Variants in TAFA5 observed in about 807,000 individuals in gnomAD.
TAFA5 encodes the protein chemokine-like protein TAFA-5.
Under a neutral mutation model 15.3 loss-of-function variants are expected in TAFA5, and 6 were observed. The observed-to-expected ratio is 0.39, with a 90% CI of 0.21 to 0.77. TAFA5 has a LOEUF of 0.77. Among genes scored for constraint, TAFA5 ranks in the 30% least tolerant of loss-of-function variants. The pLI is 0.41. For synonymous variants in TAFA5, 103 were observed against 80.7 expected (o/e 1.28, Z -1.48); for missense variants, 161 against 193.1 (o/e 0.83, Z 0.98).
intron 1 of TAFA5, among the ~76,000 whole-genome samples, chr22:48,559,927 A>G (rs1186858343): frequency 6.6e-6 from 1 of 152,098 alleles, no homozygotes; most frequent in Non-Finnish European, 1.5e-5. Context: ...CGTGGTAGAG[A>G]CGTTTCTATC....
intron 3 of TAFA5, among the ~76,000 whole-genome samples, chr22:48,747,619 A>G (rs1930364947): frequency 6.6e-6 from 1 of 152,198 alleles, no homozygotes; most frequent in African/African-American, 2.4e-5. Context: ...TGTTCTGGCC[A>G]GGCACAGTGG....
chr22:48,565,059 C>G (rs1300648649), intron 1 of TAFA5, among the ~76,000 whole-genome samples: 1 of 152,228 alleles, frequency 6.6e-6, no homozygotes, highest in African/African-American at 2.4e-5. Context: ...AAGGTGGGGG[C>G]TGGGGAACCT....
rs575302605 is a variant in TAFA5 at position 48,681,251 on chromosome 22, C to T, written c.263-26466C>T. ...TCCAAATGCCTGGAACCGAGTTTCC[C>T]CCCAATTAGGAGAAGCACAGAAAAT... is the stretch of plus-strand genomic sequence containing the variant. On this transcript the variant is annotated intron_variant, in intron 2 of 3. Coordinates refer to ENST00000402357, the MANE Select transcript of TAFA5 (RefSeq NM_001082967.3). Among the ~76,000 whole-genome samples the T allele has an allele frequency of 5.5e-4, 84 of 152,254 alleles. 1 individual carries two copies. In the South Asian group the frequency reaches 0.017, roughly 31 times the overall value.
intron 2 of TAFA5, among the ~76,000 whole-genome samples, chr22:48,692,797 G>A (rs571968340): frequency 6.6e-6 from 1 of 152,346 alleles, no homozygotes; most frequent in Non-Finnish European, 1.5e-5. Context: ...TTCCCAGGAA[G>A]GTCAGAATGG....
intron 2 of TAFA5, among the ~76,000 whole-genome samples, chr22:48,666,812 C>T (rs1927632569): frequency 1.3e-5 from 2 of 152,326 alleles, no homozygotes; most frequent in Middle Eastern, 3.4e-3. Context: ...ACAGGCACCG[C>T]ATGTCTGCTG....
At chr22:48,605,556 T>C (rs904962910) in intron 1 of TAFA5, among the ~76,000 whole-genome samples, 7 of 152,076 alleles carry the variant, frequency 4.6e-5, no homozygotes, top group African/African-American at 1.4e-4. Context: ...CTTACTGCAT[T>C]TCATCCACCA....
At chr22:48,717,039 G>A (rs1929421998) in intron 3 of TAFA5, among the ~76,000 whole-genome samples, 1 of 152,196 alleles carries the variant, frequency 6.6e-6, no homozygotes, top group South Asian at 2.1e-4. Flanking sequence ...CTCCAGAACT[G>A]ATGTCAGTTT....
At chr22:48,618,571 G>A (rs1481793131) in intron 1 of TAFA5, among the ~76,000 whole-genome samples, 1 of 152,236 alleles carries the variant, frequency 6.6e-6, no homozygotes, top group African/African-American at 2.4e-5. Flanking sequence ...CTCCGTCTGG[G>A]AAGTCCTGGA....
intron 2 of TAFA5, among the ~76,000 whole-genome samples, chr22:48,654,712 A>T (rs1399340508): frequency 6.6e-6 from 1 of 152,232 alleles, no homozygotes; most frequent in Non-Finnish European, 1.5e-5. Context: ...AATGACTCAA[A>T]TGACTAATAA....
chr22:48,706,478 G>A (rs566888861), intron 2 of TAFA5, among the ~76,000 whole-genome samples: 6 of 152,340 alleles, frequency 3.9e-5, no homozygotes, highest in South Asian at 2.1e-4. Context: ...TCTCACCAGC[G>A]AGTGCAGTGG....
chr22:48,496,463 G>A (rs1928327659), intron 1 of TAFA5, among the ~76,000 whole-genome samples: 1 of 152,178 alleles, frequency 6.6e-6, no homozygotes, highest in Non-Finnish European at 1.5e-5. Context: ...AGCTCTCAGT[G>A]GGCTGAAGCT....
chr22:48,676,613 C>T (rs1052411479), intron 2 of TAFA5, among the ~76,000 whole-genome samples: 10 of 152,194 alleles, frequency 6.6e-5, no homozygotes, highest in South Asian at 2.1e-4. Context: ...TGGCCCCCCA[C>T]GAGGAAGGAC....
At chr22:48,741,625 C>G (rs911634789) in intron 3 of TAFA5, among the ~76,000 whole-genome samples, 1 of 152,322 alleles carries the variant, frequency 6.6e-6, no homozygotes, top group African/African-American at 2.4e-5. Context: ...TTCAAGAGAA[C>G]CCTGTCTTTC....
rs75824769 is a variant in TAFA5, at chr22:48,746,632, G to A, written c.391-3207G>A. 1.1e-3 allele frequency among the ~76,000 whole-genome samples: 166 copies of A among 152,330 alleles called. No homozygotes were observed. The East Asian group carries it at 0.018, about 16-fold the overall frequency. ...CAGGGGGACGCTCAGAGAGTAAGTG[G>A]ATGTTCAGATAGTAATTGCTGCTGC... On this transcript the variant is annotated intron_variant, in intron 3 of 3. Transcript: ENST00000402357.
At chr22:48,534,953 T>C (rs1227034987) in intron 1 of TAFA5, among the ~76,000 whole-genome samples, 1 of 152,056 alleles carries the variant, frequency 6.6e-6, no homozygotes, top group Non-Finnish European at 1.5e-5. Context: ...AGCTCCTCTG[T>C]CCTCTCCTTT....
At chr22:48,616,700 C>G (rs1048766412) in intron 1 of TAFA5, among the ~76,000 whole-genome samples, 6 of 151,814 alleles carry the variant, frequency 4.0e-5, no homozygotes, top group East Asian at 1.9e-4. Flanking sequence ...CCTGCCTATC[C>G]CACCCTCTGT....
At chr22:48,675,850 G>A (rs1927955672) in intron 2 of TAFA5, among the ~76,000 whole-genome samples, 1 of 152,252 alleles carries the variant, frequency 6.6e-6, no homozygotes. Context: ...CAGCCCTGAA[G>A]CCTGAAGGCC....
chr22:48,677,214 C>T (rs1437824244), intron 2 of TAFA5, among the ~76,000 whole-genome samples: 1 of 152,254 alleles, frequency 6.6e-6, no homozygotes, highest in Non-Finnish European at 1.5e-5. Context: ...TGGGCTGAAA[C>T]AATTTTATTT....
At chr22:48,712,505 C>T (rs1020520019) in intron 3 of TAFA5, among the ~76,000 whole-genome samples, 7 of 152,252 alleles carry the variant, frequency 4.6e-5, no homozygotes, top group African/African-American at 1.7e-4. Flanking sequence ...CGCCCGGTGA[C>T]AAAGCACGCG....
Sources: allele counts gnomAD v4.1 joint callset (sites outside exome capture counted in the v4.1 genomes callset), GRCh38; gene constraint gnomAD v4.1.1; transcripts MANE v1.5; gene names NCBI Gene and HGNC (gene_info 2026-07-23, HGNC 2026-07-21).